FANCC: variants seen among roughly 807,000 people sequenced by gnomAD.
The protein encoded by FANCC is Fanconi anemia group C protein.
Under a neutral mutation model 71.3 loss-of-function variants are expected in FANCC, and 55 were observed. The observed-to-expected ratio is 0.77, with a 90% CI of 0.62 to 0.97. The LOEUF is 0.97. Ranked by LOEUF, FANCC falls within the 50% of genes least tolerant of loss-of-function variation. FANCC has a pLI of 0.00. For missense variants in FANCC, 678 were observed against 670.9 expected, an observed-to-expected ratio of 1.01 and a Z score of -0.12; for synonymous variants, 275 against 244.9, an observed-to-expected ratio of 1.12 and a Z score of -1.15.
intron 4 of FANCC, among the ~76,000 whole-genome samples, chr9:95,192,171 A>G (rs1335408431): frequency 6.6e-6 from 1 of 152,228 alleles, no homozygotes; most frequent in Admixed American, 6.5e-5. Flanking sequence ...AGCCATGTCA[A>G]GCTGGACAAC....
intron 4 of FANCC, among the ~76,000 whole-genome samples, chr9:95,197,280 T>C (rs1019423332): frequency 6.6e-6 from 1 of 152,174 alleles, no homozygotes; most frequent in Non-Finnish European, 1.5e-5. Flanking sequence ...CTCACACCTG[T>C]AATCCCAGCA....
intron 10 of FANCC, among the ~76,000 whole-genome samples, chr9:95,119,943 C>T (rs2072738016): frequency 1.3e-5 from 2 of 152,198 alleles, no homozygotes. Flanking sequence ...ATCTCCTGGG[C>T]TCAAGAGATC....
At chr9:95,112,565 C>T (rs1241672448) in intron 12 of FANCC, among the ~76,000 whole-genome samples, 1 of 152,226 alleles carries the variant, frequency 6.6e-6, no homozygotes, top group African/African-American at 2.4e-5. Flanking sequence ...CTGGAGGCCA[C>T]GTTGGCTGTG....
At chr9:95,266,910 A>G (rs1400376963) in intron 1 of FANCC, among the ~76,000 whole-genome samples, 1 of 152,204 alleles carries the variant, frequency 6.6e-6, no homozygotes, top group East Asian at 1.9e-4. Flanking sequence ...TTAAGATGGC[A>G]CGGTAAATTC....
At chr9:95,275,108 CAA>C (rs532301118) in intron 1 of FANCC, among the ~76,000 whole-genome samples, 11 of 82,348 alleles carry the variant, frequency 1.3e-4, no homozygotes, top group Admixed American at 2.5e-4. Context: ...CCTGTCTCTA[CAA>C]AAAAAAAAAA....
chr9:95,167,211 G>A (rs1389529273), intron 6 of FANCC, among the ~76,000 whole-genome samples: 1 of 152,058 alleles, frequency 6.6e-6, no homozygotes, highest in African/African-American at 2.4e-5. Context: ...CCTTGTACAT[G>A]ACAAGTCACT....
intron 13 of FANCC, among the ~76,000 whole-genome samples, chr9:95,108,775 ACTT>A (rs749226240): frequency 1.3e-5 from 2 of 152,160 alleles, no homozygotes; most frequent in African/African-American, 2.4e-5. Context: ...CGGTTTATAT[ACTT>A]CTTGTCTTTT....
At chr9:95,117,723 ATT>A (rs33935721) in intron 10 of FANCC, among the ~76,000 whole-genome samples, 14 of 136,780 alleles carry the variant, frequency 1.0e-4, no homozygotes, top group Non-Finnish European at 7.8e-5. Context: ...GTATTTCAGC[ATT>A]TTTTTTTTTT....
intron 1 of FANCC, chr9:95,293,357 G>A (rs985836401): frequency 2.5e-6 from 4 of 1,598,792 alleles, no homozygotes; most frequent in Admixed American, 1.7e-5. Context: ...CACAGGGGCT[G>A]TGCACTTACT....
intron 1 of FANCC, among the ~76,000 whole-genome samples, chr9:95,281,429 C>T (rs1217586585): frequency 6.6e-6 from 1 of 152,036 alleles, no homozygotes; most frequent in African/African-American, 2.4e-5. Flanking sequence ...AGGAATATTA[C>T]ACCTACCAAA....
At chr9:95,249,390 A>G in intron 1 of FANCC, 21 bp from the exon 2 acceptor site, 1 of 1,244,386 alleles carries the variant, frequency 8.0e-7, no homozygotes, top group South Asian at 1.2e-5. Context: ...GGGAACAAAT[A>G]GAAGCATTTC....
At chr9:95,244,678 C>CAAAAAAAAAA (rs576605250) in intron 3 of FANCC, among the ~76,000 whole-genome samples, 4 of 41,554 alleles carry the variant, frequency 9.6e-5, no homozygotes, top group Non-Finnish European at 1.2e-4. Flanking sequence ...GACTTTGTCT[C>CAAAAAAAAAA]AAAAAAAAAA....
At chr9:95,112,210 G>A (rs2072000662) in intron 12 of FANCC, among the ~76,000 whole-genome samples, 1 of 152,224 alleles carries the variant, frequency 6.6e-6, no homozygotes, top group African/African-American at 2.4e-5. Flanking sequence ...GGTAGAATTT[G>A]CTTGAGATAA....
At chr9:95,277,016 C>T (rs1476081757) in intron 1 of FANCC, among the ~76,000 whole-genome samples, 3 of 152,172 alleles carry the variant, frequency 2.0e-5, no homozygotes, top group African/African-American at 7.2e-5. Flanking sequence ...TATAGTAATT[C>T]TCAATCGCTG....
In FANCC at chr9:95,101,130, C is replaced by T. The variant is rs1303539766; in HGVS notation, c.*577G>A. On this transcript the variant is annotated 3_prime_UTR_variant, in exon 15 of 15. Transcript: ENST00000289081. ...GAGTGGAAAGAGTGTGCCGGAGGCCCGGGCTTGGGTGTGCTGTCTGCTCCT... is the reference window on the plus strand; with the variant it reads ...GAGTGGAAAGAGTGTGCCGGAGGCCTGGGCTTGGGTGTGCTGTCTGCTCCT... The T allele has an allele frequency of 3.3e-5, 8 of 240,518 alleles. No individual in the cohort carries two copies. Among genetic ancestry groups the T allele is most frequent in the Admixed American group, 1.0e-4 (2 of 19,848 alleles). The allele number at this position is 240,518 out of a possible 1,614,324, so 14.9% of individuals were successfully genotyped here.
intron 4 of FANCC, among the ~76,000 whole-genome samples, chr9:95,178,398 C>CTTAT (rs1826142488): frequency 6.6e-6 from 1 of 152,190 alleles, no homozygotes; most frequent in Non-Finnish European, 1.5e-5. Context: ...AGAATGGCCG[C>CTTAT]CTTATCCCTG....
intron 12 of FANCC, among the ~76,000 whole-genome samples, chr9:95,112,390 C>G (rs2072017595): frequency 6.6e-6 from 1 of 152,176 alleles, no homozygotes; most frequent in Admixed American, 6.5e-5. Flanking sequence ...CTGCATGTTC[C>G]TCTGCCTGGC....
intron 3 of FANCC, among the ~76,000 whole-genome samples, chr9:95,243,730 C>A (rs1830770042): frequency 6.6e-6 from 1 of 152,132 alleles, no homozygotes. Flanking sequence ...GGAAGCAGAG[C>A]TTGCAGTGAG....
intron 6 of FANCC, among the ~76,000 whole-genome samples, chr9:95,155,570 C>G (rs1830426901): frequency 6.6e-6 from 1 of 151,910 alleles, no homozygotes; most frequent in Non-Finnish European, 1.5e-5. Context: ...TTCTACTGGT[C>G]TCTTTTCAGG....
Sources: gnomAD v4.1 joint callset for allele counts (sites outside exome capture counted in the v4.1 genomes callset) on GRCh38, gnomAD v4.1.1 for gene constraint, MANE v1.5 for transcripts, NCBI Gene and HGNC (gene_info 2026-07-23, HGNC 2026-07-21) for gene names.